The following TSC22D1 variants were observed in gnomAD, a reference collection of about 807,000 sequenced individuals.
The protein encoded by TSC22D1 is TSC22 domain family protein 1.
A neutral mutation model predicts 74.2 loss-of-function variants in TSC22D1; 9 were observed. The observed-to-expected ratio is 0.12, with a 90% CI of 0.07 to 0.21. TSC22D1 has a LOEUF of 0.21. Among genes scored for constraint, TSC22D1 ranks in the 10% least tolerant of loss-of-function variants. TSC22D1 has a pLI of 1.00. For missense variants in TSC22D1, 1,427 were observed against 1,304.7 expected (o/e 1.09, Z -1.44); for synonymous variants, 586 against 492.5 (o/e 1.19, Z -2.51).
rs937367267 is a variant in TSC22D1 at position 44,535,820 on chromosome 13, G to T, written c.2912+37343C>A. 4.0e-5 allele frequency among the ~76,000 whole-genome samples: 6 copies of T among 151,866 alleles called. No homozygotes were observed. In the South Asian group the frequency reaches 1.2e-3, roughly 31 times the overall value. On this transcript the variant is annotated intron_variant, in intron 1 of 2. Coordinates refer to ENST00000458659, the MANE Select transcript of TSC22D1 (RefSeq NM_183422.4). ...TTTGAAGGTTACTGATGATGTAGAG[G>T]AGAGTCTATGTTTTAAAAATTACTT...
Position 44,573,800 on chromosome 13 carries a change from G to A in TSC22D1, c.2275C>T (p.Pro759Ser), listed in dbSNP as rs778164351. 1.8e-5 allele frequency: 29 copies of A among 1,614,090 alleles called. No individual in the cohort carries two copies. Among genetic ancestry groups the A allele is most frequent in the Non-Finnish European group, 2.5e-5 (29 of 1,180,040 alleles). The stretch of plus-strand genomic sequence containing the variant: ...GGTGGAACCACTTGCGAAGATGGAG[G>A]AGCACCCTGCTGAATAACTGAAGGT... ...VPPSVIQQGA[P>S]PSSQVVPPAQ... The change falls in exon 1 of 3, where the codon CCT becomes TCT. Residue 759 changes from proline to serine, a missense_variant. Coordinates refer to ENST00000458659, the MANE Select transcript of TSC22D1 (RefSeq NM_183422.4).
chr13:44,530,129 C>A (rs1261896203), intron 1 of TSC22D1, among the ~76,000 whole-genome samples: 2 of 152,070 alleles, frequency 1.3e-5, no homozygotes, highest in Non-Finnish European at 2.9e-5. Flanking sequence ...AGAACCAAGT[C>A]AGAGGATTTA....
chr13:44,532,707 C>T (rs1178654811), intron 1 of TSC22D1, among the ~76,000 whole-genome samples: 1 of 151,904 alleles, frequency 6.6e-6, no homozygotes, highest in Non-Finnish European at 1.5e-5. Flanking sequence ...ATCTCCTGAC[C>T]TGTGATCCGC....
intron 1 of TSC22D1, among the ~76,000 whole-genome samples, chr13:44,511,214 G>A (rs1297069830): frequency 6.6e-6 from 1 of 152,102 alleles, no homozygotes; most frequent in Non-Finnish European, 1.5e-5. Context: ...GAGCCCGGGA[G>A]GTTGCAGCTG....
chr13:44,490,437 C>T (rs1314035183), intron 1 of TSC22D1, among the ~76,000 whole-genome samples: 1 of 149,450 alleles, frequency 6.7e-6, no homozygotes, highest in African/African-American at 2.5e-5. Flanking sequence ...ATGATTTGTA[C>T]ATTTTCCTCT....
chr13:44,567,506 A>T (rs1883457712), intron 1 of TSC22D1, among the ~76,000 whole-genome samples: 1 of 152,032 alleles, frequency 6.6e-6, no homozygotes, highest in Non-Finnish European at 1.5e-5. Context: ...ATAGAAAGAA[A>T]AAAAAAACTT....
At chr13:44,475,020 T>C (rs1320168636) in intron 1 of TSC22D1, among the ~76,000 whole-genome samples, 8 of 152,158 alleles carry the variant, frequency 5.3e-5, no homozygotes, top group Admixed American at 5.2e-4. Context: ...AAATCTACAA[T>C]TCTTTGTTTT....
intron 1 of TSC22D1, among the ~76,000 whole-genome samples, chr13:44,505,740 T>G (rs1455440596): frequency 1.3e-5 from 2 of 152,222 alleles, no homozygotes; most frequent in Non-Finnish European, 2.9e-5. Flanking sequence ...AATTTCCATT[T>G]CATTAAGTAC....
chr13:44,458,228 C>G (rs1036292710), intron 1 of TSC22D1, among the ~76,000 whole-genome samples: 1 of 152,144 alleles, frequency 6.6e-6, no homozygotes, highest in African/African-American at 2.4e-5. Flanking sequence ...TCCAAACAAC[C>G]TTTGAAAGCA....
intron 1 of TSC22D1, among the ~76,000 whole-genome samples, chr13:44,554,474 C>T (rs1882490976): frequency 6.6e-6 from 1 of 151,962 alleles, no homozygotes. Flanking sequence ...TCTTATGATG[C>T]TTGAGTGTAC....
intron 1 of TSC22D1, among the ~76,000 whole-genome samples, chr13:44,472,593 A>T (rs920794859): frequency 6.6e-6 from 1 of 152,146 alleles, no homozygotes; most frequent in African/African-American, 2.4e-5. Flanking sequence ...AGGTGGGCAG[A>T]TCACTTGAGT....
chr13:44,444,854 A>G (rs1254637817), intron 1 of TSC22D1, among the ~76,000 whole-genome samples: 1 of 152,128 alleles, frequency 6.6e-6, no homozygotes, highest in Non-Finnish European at 1.5e-5. Context: ...ACCTACCAAA[A>G]CTCACATGAG....
chr13:44,552,052 C>G (rs1270212125), intron 1 of TSC22D1, among the ~76,000 whole-genome samples: 1 of 152,122 alleles, frequency 6.6e-6, no homozygotes, highest in Non-Finnish European at 1.5e-5. Flanking sequence ...AGCTGTTATC[C>G]CCACATGAAG....
At chr13:44,500,374 C>T (rs1342201037) in intron 1 of TSC22D1, among the ~76,000 whole-genome samples, 1 of 152,202 alleles carries the variant, frequency 6.6e-6, no homozygotes, top group African/African-American at 2.4e-5. Context: ...CCAAATGTTA[C>T]AGGAGCCAGA....
chr13:44,505,959 C>G (rs1387471002), intron 1 of TSC22D1, among the ~76,000 whole-genome samples: 1 of 152,138 alleles, frequency 6.6e-6, no homozygotes, highest in African/African-American at 2.4e-5. Flanking sequence ...TTCCTCCTAA[C>G]AGCTCTGTGA....
chr13:44,492,684 G>A (rs987415364), intron 1 of TSC22D1, among the ~76,000 whole-genome samples: 2 of 152,106 alleles, frequency 1.3e-5, no homozygotes, highest in African/African-American at 4.8e-5. Context: ...CTTATCTCTG[G>A]AGGAATGGTG....
At chr13:44,568,679 T>G (rs935882226) in intron 1 of TSC22D1, among the ~76,000 whole-genome samples, 2 of 152,088 alleles carry the variant, frequency 1.3e-5, no homozygotes, top group African/African-American at 4.8e-5. Context: ...CCTTTAACAC[T>G]TATTTGCAAG....
chr13:44,514,992 A>G (rs1041315560), intron 1 of TSC22D1, among the ~76,000 whole-genome samples: 2 of 152,234 alleles, frequency 1.3e-5, no homozygotes, highest in Admixed American at 6.5e-5. Context: ...TACTCTAATG[A>G]TAAGGCAGCA....
chr13:44,445,207 G>A (rs900804732), intron 1 of TSC22D1, among the ~76,000 whole-genome samples: 1 of 144,664 alleles, frequency 6.9e-6, no homozygotes, highest in African/African-American at 2.6e-5. Context: ...AAAACAGAGA[G>A]GTCAAAGATA....
Sources: gnomAD v4.1 joint callset for allele counts (sites outside exome capture counted in the v4.1 genomes callset) on GRCh38, gnomAD v4.1.1 for gene constraint, MANE v1.5 for transcripts, NCBI Gene and HGNC (gene_info 2026-07-23, HGNC 2026-07-21) for gene names.